Variants in PYGB observed in about 807,000 individuals in gnomAD.
PYGB encodes the protein glycogen phosphorylase B, also known as glycogen phosphorylase, brain form.
In PYGB, 82 loss-of-function variants were observed where a neutral mutation model predicts 94.3. The ratio of observed to expected loss-of-function variants is 0.87; its 90% confidence interval spans 0.73 to 1.04. The LOEUF is 1.04. PYGB is among the 50% of genes least tolerant of loss of function. The probability of loss-of-function intolerance (pLI) is 0.00; values close to 1 mark genes in which losing one functional copy is unlikely to be tolerated. For missense variants in PYGB, 1,132 were observed against 1,158.2 expected, an observed-to-expected ratio of 0.98 and a Z score of 0.33; for synonymous variants, 488 against 479.1, an observed-to-expected ratio of 1.02 and a Z score of -0.24.
In PYGB at chr20:25,278,299, G is replaced by T; in HGVS notation, c.856-20G>T. ...AGAATGGCCCAGCCTGCACCCTCCA[G>T]CTTGCTCTGCTGTGTGCAGTTCTTT... On this transcript the variant is annotated intron_variant, in intron 7 of 19. Coordinates refer to ENST00000216962, the MANE Select transcript of PYGB (RefSeq NM_002862.4). 6.2e-7 allele frequency: 1 copy of T among 1,611,222 alleles called. No homozygotes were observed. The highest frequency in any genetic ancestry group is 8.5e-7 in the Non-Finnish European group (1 of 1,178,010).
At chr20:25,269,297 C>T (rs2088245555) in intron 3 of PYGB, 90 bp downstream of exon 3, 1 of 1,108,052 alleles carries the variant, frequency 9.0e-7, no homozygotes, top group Non-Finnish European at 1.3e-6. Flanking sequence ...AAATTGGCCT[C>T]AGGGTAAATT....
chr20:25,258,736 C>G (rs1016602116), intron 1 of PYGB, among the ~76,000 whole-genome samples: 1 of 152,266 alleles, frequency 6.6e-6, no homozygotes, highest in African/African-American at 2.4e-5. Context: ...AACATGGATG[C>G]ATCCATTCAG....
chr20:25,297,593 G>A lies in PYGB; in HGVS notation c.*1071G>A, dbSNP rs2088568435. 1 of 152,334 alleles carries A rather than the reference G, an allele frequency of 6.6e-6. No individual in the cohort carries two copies. The highest frequency in any genetic ancestry group is 1.5e-5 in the Non-Finnish European group (1 of 68,132). 9.4% of individuals were successfully genotyped at this position (152,334 alleles called of 1,614,324 possible). Reference sequence around the variant, plus strand: ...CAGCAGGCCTGGCACTGGGAGGTGGGGGTGAGCCCCTCACAGCCTTGCCCC... The same window carrying A: ...CAGCAGGCCTGGCACTGGGAGGTGGAGGTGAGCCCCTCACAGCCTTGCCCC... On this transcript the variant is annotated 3_prime_UTR_variant, in exon 20 of 20. Transcript: ENST00000216962.
At chr20:25,276,511 T>A (rs1008396719) in intron 5 of PYGB, 135 bp from the exon 6 acceptor site, 2 of 671,226 alleles carry the variant, frequency 3.0e-6, no homozygotes, top group East Asian at 5.5e-5. Context: ...TGGGTGGATG[T>A]GTTTGGGCAG....
chr20:25,294,674 T>G, intron 18 of PYGB: 1 of 580,488 alleles, frequency 1.7e-6, no homozygotes, highest in Non-Finnish European at 3.1e-6. Flanking sequence ...GCACAAGGGC[T>G]GCGGAACCGC....
chr20:25,280,919 C>T (rs200651998), intron 10 of PYGB, 30 bp from the exon 11 acceptor site: 62 of 1,609,902 alleles, frequency 3.9e-5, no homozygotes, highest in Non-Finnish European at 5.0e-5. Context: ...CTCCTGTGCC[C>T]ACCCACCTGC....
chr20:25,281,381 G>A (rs896370825), intron 11 of PYGB, among the ~76,000 whole-genome samples: 5 of 152,346 alleles, frequency 3.3e-5, no homozygotes, highest in East Asian at 3.9e-4. Context: ...GCTCTCCTGC[G>A]CCCCTGCCTT....
chr20:25,277,118 A>G, intron 6 of PYGB, 126 bp from the exon 7 acceptor site: 1 of 716,004 alleles, frequency 1.4e-6, no homozygotes, highest in Admixed American at 2.2e-5. Context: ...AGGGGAAGTA[A>G]TGCAGCGGCT....
chr20:25,285,491 A>T (rs975162375), intron 14 of PYGB: 1 of 151,278 alleles, frequency 6.6e-6, no homozygotes. Context: ...CAGTTGTTGC[A>T]TCGTCTTCTA....
In PYGB at chr20:25,296,746, T is replaced by C; in HGVS notation, c.*224T>C. ...TTGTAAAGGAAGCCAGAGTTGACAGTACAAAGGGTCGTGGCCAGCCCTGCA... is the reference window on the plus strand; with the variant it reads ...TTGTAAAGGAAGCCAGAGTTGACAGCACAAAGGGTCGTGGCCAGCCCTGCA... On this transcript the variant is annotated 3_prime_UTR_variant, in exon 20 of 20. Coordinates refer to ENST00000216962, the MANE Select transcript of PYGB (RefSeq NM_002862.4). The C allele has an allele frequency of 1.6e-6, 1 of 610,740 alleles. No homozygotes were observed. The highest frequency in any genetic ancestry group is 2.7e-6 in the Non-Finnish European group (1 of 366,058). The allele number at this position is 610,740 out of a possible 1,614,324, so 37.8% of individuals were successfully genotyped here. A position where few individuals can be genotyped will look rare whatever the true frequency, so the allele number is the denominator to read the frequency against.
At chr20:25,295,724 C>T (rs373261552) in intron 19 of PYGB, 54 bp downstream of exon 19, 74 of 1,517,512 alleles carry the variant, frequency 4.9e-5, no homozygotes, top group Admixed American at 3.0e-4. Context: ...TCCATGTAGA[C>T]GTGTTGGGTC....
At chr20:25,260,111 T>C in intron 2 of PYGB, among the ~76,000 whole-genome samples, 1 of 152,184 alleles carries the variant, frequency 6.6e-6, no homozygotes, top group South Asian at 2.1e-4. Flanking sequence ...CGTCTCCCCC[T>C]GCAGGACCTC....
chr20:25,255,446 G>C (rs111584256), intron 1 of PYGB, among the ~76,000 whole-genome samples: 1 of 152,230 alleles, frequency 6.6e-6, no homozygotes, highest in Admixed American at 6.5e-5. Context: ...GTGGAACGTG[G>C]TGCCCACTGG....
intron 6 of PYGB, 26 bp from the exon 7 acceptor site, chr20:25,277,218 G>GT (rs762047323): frequency 6.6e-7 from 1 of 1,524,186 alleles, no homozygotes; most frequent in South Asian, 1.1e-5. Context: ...GCATGTGTGT[G>GT]TTGACCCCGC....
rs749504666 is a variant in PYGB, at chr20:25,292,496, C to T, written c.2060C>T (p.Ala687Val). The T allele has an allele frequency of 1.9e-6, 3 of 1,613,642 alleles. No homozygotes were observed. Among genetic ancestry groups the T allele is most frequent in the Admixed American group, 1.7e-5 (1 of 60,036 alleles). The change falls in exon 17 of 20, where the codon GCC (alanine) becomes GTC (valine). Residue 687 changes from alanine to valine, a missense_variant. Coordinates refer to ENST00000216962, the MANE Select transcript of PYGB (RefSeq NM_002862.4). ...AACATGAAGTTCATGCTCAACGGGG[C>T]CCTCACCATCGGCACCATGGACGGC... ...TGNMKFMLNG[A>V]LTIGTMDGAN...
At position 25,274,663 on chromosome 20, in the gene PYGB, C is replaced by T. The variant is rs200366571; in HGVS notation, c.600C>T (p.Pro200=). 2.0e-5 allele frequency: 33 copies of T among 1,613,798 alleles called. No individual in the cohort carries two copies. Among genetic ancestry groups the T allele is most frequent in the Non-Finnish European group, 2.4e-5 (28 of 1,180,036 alleles). ...AAGCGCGGCCTGAGTATATGCTTCCCGTGCACTTCTACGGACGCGTGGAGC... is the reference window on the plus strand; with the variant it reads ...AAGCGCGGCCTGAGTATATGCTTCCTGTGCACTTCTACGGACGCGTGGAGC... The part of the protein sequence containing the change: ...WEKARPEYML[P]VHFYGRVEHT... Residue 200 remains proline (P), a synonymous_variant, in exon 5 of 20, where the codon CCC becomes CCT. Coordinates refer to ENST00000216962, the MANE Select transcript of PYGB (RefSeq NM_002862.4).
chr20:25,256,551 C>G (rs1347528196), intron 1 of PYGB, among the ~76,000 whole-genome samples: 2 of 151,686 alleles, frequency 1.3e-5, no homozygotes, highest in African/African-American at 4.8e-5. Context: ...GGCTACTTAA[C>G]ACTTGTTATG....
chr20:25,253,246 C>G (rs1413607027), intron 1 of PYGB, among the ~76,000 whole-genome samples: 1 of 152,228 alleles, frequency 6.6e-6, no homozygotes, highest in Non-Finnish European at 1.5e-5. Context: ...AGGTTGTGGC[C>G]TTGCACTTCA....
intron 13 of PYGB, among the ~76,000 whole-genome samples, chr20:25,283,674 G>A (rs1283727589): frequency 6.6e-6 from 1 of 152,230 alleles, no homozygotes; most frequent in Non-Finnish European, 1.5e-5. Context: ...CTCTCGGCTA[G>A]ACCAGGGCCA....
Sources: allele counts gnomAD v4.1 joint callset (sites outside exome capture counted in the v4.1 genomes callset), GRCh38; gene constraint gnomAD v4.1.1; transcripts MANE v1.5; gene names NCBI Gene and HGNC (gene_info 2026-07-23, HGNC 2026-07-21).